The following GALNT13 variants were observed in gnomAD, a reference collection of about 807,000 sequenced individuals.
GALNT13 encodes polypeptide N-acetylgalactosaminyltransferase 13.
In GALNT13, 28 loss-of-function variants were observed where a neutral mutation model predicts 64.2. The ratio of observed to expected loss-of-function variants is 0.44; its 90% CI spans 0.32 to 0.60. The LOEUF is 0.60. GALNT13 is among the 20% of genes least tolerant of loss of function. The pLI is 0.05. For synonymous variants in GALNT13, 214 were observed against 224.6 expected, an observed-to-expected ratio of 0.95 and a Z score of 0.42; for missense variants, 577 against 669.8, an observed-to-expected ratio of 0.86 and a Z score of 1.53.
chr2:153,744,022 G>C, the GALNT13 span, among the ~76,000 whole-genome samples: 1 of 152,028 alleles, frequency 6.6e-6, no homozygotes, highest in Non-Finnish European at 1.5e-5. Flanking sequence ...TTTTATGGCT[G>C]AAGAGTACTC....
chr2:153,114,719 C>A, the GALNT13 span, among the ~76,000 whole-genome samples: 1 of 152,042 alleles, frequency 6.6e-6, no homozygotes, highest in Non-Finnish European at 1.5e-5. Context: ...TTCTTTTTTT[C>A]TACTCTTTTA....
At chr2:153,317,824 G>A in the GALNT13 span, among the ~76,000 whole-genome samples, 1 of 151,966 alleles carries the variant, frequency 6.6e-6, no homozygotes, top group Non-Finnish European at 1.5e-5. Flanking sequence ...AGGCAATGAA[G>A]TCCTATTATT....
the GALNT13 span, among the ~76,000 whole-genome samples, chr2:153,796,622 A>G: frequency 1.3e-5 from 2 of 152,210 alleles, no homozygotes; most frequent in African/African-American, 4.8e-5. Context: ...ATAGAATGAA[A>G]TTCAATACAT....
chr2:153,259,003 C>A, the GALNT13 span, among the ~76,000 whole-genome samples: 1 of 152,188 alleles, frequency 6.6e-6, no homozygotes, highest in Non-Finnish European at 1.5e-5. Flanking sequence ...GTTTCTTTGT[C>A]GGTTCTCTTT....
chr2:154,038,583 C>A (rs1369701434), intron 3 of GALNT13, among the ~76,000 whole-genome samples: 4 of 152,068 alleles, frequency 2.6e-5, no homozygotes, highest in Non-Finnish European at 4.4e-5. Flanking sequence ...TAAGTAGACT[C>A]CTGCCACTTG....
At chr2:153,400,384 C>T in the GALNT13 span, among the ~76,000 whole-genome samples, 1 of 152,036 alleles carries the variant, frequency 6.6e-6, no homozygotes, top group African/African-American at 2.4e-5. Context: ...GTCTAAAATT[C>T]TCTTTTTTTG....
the GALNT13 span, among the ~76,000 whole-genome samples, chr2:153,728,207 G>A: frequency 1.8e-4 from 28 of 152,214 alleles, no homozygotes; most frequent in African/African-American, 6.5e-4. Flanking sequence ...ATAAACATAC[G>A]TGTGCATATG....
chr2:154,395,854 C>T, intron 9 of GALNT13, 137 bp from the exon 10 acceptor site: 1 of 610,014 alleles, frequency 1.6e-6, no homozygotes, highest in Non-Finnish European at 2.6e-6. Context: ...AGTAAAAATC[C>T]AGTGGAGTAG....
At chr2:154,096,345 A>G (rs1558955220) in intron 3 of GALNT13, among the ~76,000 whole-genome samples, 1 of 151,938 alleles carries the variant, frequency 6.6e-6, no homozygotes, top group Non-Finnish European at 1.5e-5. Context: ...GGAGACAAAT[A>G]GTCTTCCTAC....
At chr2:153,324,538 G>C in the GALNT13 span, among the ~76,000 whole-genome samples, 1 of 152,198 alleles carries the variant, frequency 6.6e-6, no homozygotes, top group Non-Finnish European at 1.5e-5. Flanking sequence ...ATGTTGAATA[G>C]GAGTGGTGAG....
chr2:153,105,345 A>G, the GALNT13 span, among the ~76,000 whole-genome samples: 5 of 152,148 alleles, frequency 3.3e-5, no homozygotes, highest in South Asian at 2.1e-4. Context: ...AAAACTCTCT[A>G]TAAATTAGGT....
chr2:154,044,189 TAAA>T (rs1699165510), intron 3 of GALNT13, among the ~76,000 whole-genome samples: 1 of 152,114 alleles, frequency 6.6e-6, no homozygotes, highest in Admixed American at 6.6e-5. Context: ...TGAATATTAA[TAAA>T]CACGTGAAGT....
chr2:154,154,614 C>G (rs1277222401), intron 4 of GALNT13, among the ~76,000 whole-genome samples: 13 of 151,950 alleles, frequency 8.6e-5, no homozygotes, highest in Admixed American at 8.5e-4. Context: ...AGGAACTTGT[C>G]CAGGACAATG....
the GALNT13 span, among the ~76,000 whole-genome samples, chr2:153,502,969 T>A: frequency 6.6e-6 from 1 of 152,226 alleles, no homozygotes; most frequent in African/African-American, 2.4e-5. Context: ...TCTTTGTAGA[T>A]CCTGAATATT....
chr2:154,105,891 G>A (rs1056791329), intron 3 of GALNT13, among the ~76,000 whole-genome samples: 4 of 152,156 alleles, frequency 2.6e-5, no homozygotes, highest in Middle Eastern at 3.4e-3. Flanking sequence ...AGTACCTACC[G>A]TAGCAGACAA....
At chr2:153,820,722 A>T in the GALNT13 span, among the ~76,000 whole-genome samples, 6 of 152,188 alleles carry the variant, frequency 3.9e-5, no homozygotes, top group East Asian at 9.6e-4. Flanking sequence ...GGAGTTCTAA[A>T]CATAAAAACA....
At chr2:154,344,499 C>T (rs950285982) in intron 9 of GALNT13, among the ~76,000 whole-genome samples, 3 of 102,250 alleles carry the variant, frequency 2.9e-5, no homozygotes, top group African/African-American at 8.4e-5. Flanking sequence ...AATGGATTTA[C>T]ATCTAAATCC....
chr2:153,577,383 A>C, the GALNT13 span, among the ~76,000 whole-genome samples: 1 of 152,200 alleles, frequency 6.6e-6, no homozygotes, highest in East Asian at 1.9e-4. Flanking sequence ...TTTCTCAAAC[A>C]AATGCAGTCT....
the GALNT13 span, among the ~76,000 whole-genome samples, chr2:153,233,741 T>A: frequency 6.6e-6 from 1 of 152,118 alleles, no homozygotes; most frequent in South Asian, 2.1e-4. Context: ...CATAGTAACT[T>A]AATTTGAAAG....
Sources: gnomAD v4.1 joint callset for allele counts (sites outside exome capture counted in the v4.1 genomes callset) on GRCh38, gnomAD v4.1.1 for gene constraint, MANE v1.5 for transcripts, NCBI Gene and HGNC (gene_info 2026-07-23, HGNC 2026-07-21) for gene names.